FRAS1: variants seen among roughly 807,000 people sequenced by gnomAD.
The protein encoded by FRAS1 is extracellular matrix organizing protein FRAS1.
In FRAS1, 290 loss-of-function variants were observed where a neutral mutation model predicts 435.2. That is an observed-to-expected ratio of 0.67 (90% CI 0.61 to 0.73). The LOEUF is 0.73. Ranked by LOEUF, FRAS1 falls within the 30% of genes least tolerant of loss-of-function variation. FRAS1 has a pLI of 0.00. For synonymous variants in FRAS1, 1,800 were observed against 1,851.0 expected (o/e 0.97, Z 0.71); for missense variants, 4,860 against 5,001.5 (o/e 0.97, Z 0.85).
chr4:78,168,137 G>A (rs1425333758), intron 2 of FRAS1, among the ~76,000 whole-genome samples: 3 of 151,986 alleles, frequency 2.0e-5, no homozygotes, highest in Non-Finnish European at 2.9e-5. Context: ...TACTTAGAAT[G>A]TGTAATACTG....
chr4:78,100,802 G>C (rs1742086791), intron 2 of FRAS1, among the ~76,000 whole-genome samples: 1 of 152,116 alleles, frequency 6.6e-6, no homozygotes, highest in African/African-American at 2.4e-5. Context: ...TTGAGGTATG[G>C]ATATTATTAT....
chr4:78,491,372 A>G (rs540411774), intron 59 of FRAS1, among the ~76,000 whole-genome samples: 1 of 152,296 alleles, frequency 6.6e-6, no homozygotes, highest in African/African-American at 2.4e-5. Flanking sequence ...TCAGGCCAAT[A>G]TCTCTGATGA....
intron 29 of FRAS1, 107 bp downstream of exon 29, chr4:78,387,808 C>T (rs1260978294): frequency 6.6e-6 from 5 of 753,354 alleles, no homozygotes; most frequent in Middle Eastern, 2.5e-4. Context: ...TAGTCATTCA[C>T]TTATTCAAAT....
chr4:78,142,336 C>T (rs1720229736), intron 2 of FRAS1, among the ~76,000 whole-genome samples: 1 of 151,940 alleles, frequency 6.6e-6, no homozygotes, highest in African/African-American at 2.4e-5. Flanking sequence ...CAGCTACCTG[C>T]CAGAAGCAAA....
At position 78,508,823 on chromosome 4, in the gene FRAS1, C is replaced by T; in HGVS notation, c.9597C>T (p.Val3199=). ...SPSPGYPLVC[V]TPCDPHFPRY... ...CCCCAGGCTACCCACTGGTCTGTGT[C>T]ACCCCCTGCGACCCTCATTTCCCCA... Residue 3199 remains valine (V), a synonymous_variant, in exon 63 of 74, where the codon GTC becomes GTT. Transcript: ENST00000512123. The T allele has an allele frequency of 6.2e-7, 1 of 1,613,740 alleles. No individual in the cohort carries two copies. The highest frequency in any genetic ancestry group is 8.5e-7 in the Non-Finnish European group (1 of 1,179,796).
chr4:78,286,308 G>A, intron 13 of FRAS1, 97 bp from the exon 14 acceptor site: 1 of 1,365,782 alleles, frequency 7.3e-7, no homozygotes, highest in South Asian at 1.2e-5. Flanking sequence ...GGGACCTGGA[G>A]CCTCAAGATT....
At chr4:78,346,605 C>T (rs1418975311) in intron 20 of FRAS1, among the ~76,000 whole-genome samples, 1 of 151,994 alleles carries the variant, frequency 6.6e-6, no homozygotes, top group Non-Finnish European at 1.5e-5. Context: ...GGTTTTGACC[C>T]TCATGGCCTT....
At chr4:78,260,860 CA>C (rs1726057852) in intron 6 of FRAS1, among the ~76,000 whole-genome samples, 1 of 152,132 alleles carries the variant, frequency 6.6e-6, no homozygotes, top group South Asian at 2.1e-4. Flanking sequence ...CTTTATAATT[CA>C]AACGTCTTTC....
chr4:78,175,139 C>A (rs192905113), intron 2 of FRAS1, among the ~76,000 whole-genome samples: 54 of 152,336 alleles, frequency 3.5e-4, no homozygotes, highest in Admixed American at 3.5e-3. Flanking sequence ...CATCAGGCTC[C>A]TGGCTTCTTA....
Position 78,117,548 on chromosome 4 carries a change from C to G in FRAS1, c.108+51532C>G, listed in dbSNP as rs568976745. On this transcript the variant is annotated intron_variant, in intron 2 of 73. Transcript: ENST00000512123. ...GTTAATTTCTTTTTATTCTTTTTCT[C>G]TAAACTTCTCTTCTCGCTTCATTTC... Among the ~76,000 whole-genome samples, 71 of 152,250 alleles carry G rather than the reference C, an allele frequency of 4.7e-4. 1 individual carries two copies. The highest frequency in any genetic ancestry group is 1.6e-3 in the African/African-American group (68 of 41,550).
At chr4:78,112,809 C>G (rs1296266677) in intron 2 of FRAS1, among the ~76,000 whole-genome samples, 1 of 151,034 alleles carries the variant, frequency 6.6e-6, no homozygotes, top group Non-Finnish European at 1.5e-5. Flanking sequence ...TAAATTTTTA[C>G]TTTATTATTT....
intron 7 of FRAS1, among the ~76,000 whole-genome samples, chr4:78,265,525 C>T (rs1484412735): frequency 5.9e-5 from 9 of 152,068 alleles, no homozygotes; most frequent in Non-Finnish European, 1.0e-4. Flanking sequence ...GAAAACCTGG[C>T]GGTGGTAGAA....
At chr4:78,230,127 G>A (rs1448909782) in intron 2 of FRAS1, among the ~76,000 whole-genome samples, 2 of 152,142 alleles carry the variant, frequency 1.3e-5, no homozygotes, top group Non-Finnish European at 2.9e-5. Context: ...ATGTCTTCAG[G>A]TTTATCATTT....
chr4:78,099,344 G>A (rs1311194129), intron 2 of FRAS1, among the ~76,000 whole-genome samples: 1 of 152,156 alleles, frequency 6.6e-6, no homozygotes, highest in East Asian at 1.9e-4. Flanking sequence ...AGAAATCATG[G>A]CTGTGACGGT....
chr4:78,104,921 G>T (rs1192010542), intron 2 of FRAS1, among the ~76,000 whole-genome samples: 1 of 152,188 alleles, frequency 6.6e-6, no homozygotes, highest in Non-Finnish European at 1.5e-5. Flanking sequence ...AACTAATCCT[G>T]ACTCTCAGAC....
chr4:78,476,593 T>A (rs1452240264), intron 54 of FRAS1, among the ~76,000 whole-genome samples: 1 of 152,178 alleles, frequency 6.6e-6, no homozygotes, highest in Non-Finnish European at 1.5e-5. Context: ...ATGTCAAATG[T>A]AAGTGAGGAA....
intron 2 of FRAS1, among the ~76,000 whole-genome samples, chr4:78,183,079 C>A (rs1722103225): frequency 6.6e-6 from 1 of 152,148 alleles, no homozygotes. Context: ...GAGAGCAATG[C>A]CGCAGAAGTC....
intron 2 of FRAS1, among the ~76,000 whole-genome samples, chr4:78,201,829 G>A (rs1354461677): frequency 2.0e-5 from 3 of 152,138 alleles, no homozygotes; most frequent in African/African-American, 7.2e-5. Context: ...TGAGGATTCA[G>A]TGTGAGTTGG....
intron 2 of FRAS1, among the ~76,000 whole-genome samples, chr4:78,183,683 G>A (rs937686117): frequency 2.7e-5 from 4 of 150,506 alleles, no homozygotes; most frequent in Non-Finnish European, 1.5e-5. Context: ...ATGAGGTATG[G>A]CAGGGCATTA....
Sources: allele counts gnomAD v4.1 joint callset (sites outside exome capture counted in the v4.1 genomes callset), GRCh38; gene constraint gnomAD v4.1.1; transcripts MANE v1.5; gene names NCBI Gene and HGNC (gene_info 2026-07-23, HGNC 2026-07-21).